TASP1: variants seen among roughly 807,000 people sequenced by gnomAD.
TASP1 encodes taspase 1.
Under a neutral mutation model 56.6 loss-of-function variants are expected in TASP1, and 16 were observed. The observed-to-expected ratio is 0.28, with a 90% CI of 0.19 to 0.43. TASP1 has a LOEUF of 0.43. Among genes scored for constraint, TASP1 ranks in the 20% least tolerant of loss-of-function variants. The pLI, the probability that TASP1 is intolerant of heterozygous loss-of-function variation, is 1.00. For missense variants in TASP1, 393 were observed against 511.6 expected, an observed-to-expected ratio of 0.77 and a Z score of 2.24; for synonymous variants, 179 against 184.2, an observed-to-expected ratio of 0.97 and a Z score of 0.23.
chr20:13,534,829 G>A (rs372037410), intron 8 of TASP1, among the ~76,000 whole-genome samples: 19 of 152,104 alleles, frequency 1.2e-4, no homozygotes, highest in Middle Eastern at 3.2e-3. Flanking sequence ...ACTATGAGCC[G>A]CTGTCTCCTA....
the TASP1 span, among the ~76,000 whole-genome samples, chr20:13,214,844 G>A: frequency 2.0e-4 from 31 of 152,288 alleles, no homozygotes; most frequent in South Asian, 6.2e-4. Flanking sequence ...CTTTTCTATA[G>A]CTTTCCATTT....
chr20:13,220,926 C>T, the TASP1 span, among the ~76,000 whole-genome samples: 2 of 151,778 alleles, frequency 1.3e-5, no homozygotes, highest in Admixed American at 1.3e-4. Context: ...TGCACAAGGG[C>T]TCTACCCGCG....
intron 4 of TASP1, among the ~76,000 whole-genome samples, chr20:13,609,300 C>T (rs1052979257): frequency 6.6e-6 from 1 of 152,086 alleles, no homozygotes; most frequent in African/African-American, 2.4e-5. Flanking sequence ...TAAGTGCTAA[C>T]AAAGATGTAG....
chr20:13,365,773 CACTGGAAACA>C, the TASP1 span, among the ~76,000 whole-genome samples: 1 of 152,158 alleles, frequency 6.6e-6, no homozygotes, highest in African/African-American at 2.4e-5. Flanking sequence ...AATGGAAAAC[CACTGGAAACA>C]AGTAGGGAAG....
intron 8 of TASP1, among the ~76,000 whole-genome samples, chr20:13,543,651 G>A (rs112587789): frequency 0.018 from 2,770 of 152,164 alleles, 48 homozygotes; most frequent in Non-Finnish European, 0.029. Flanking sequence ...AGGCCCTTGC[G>A]CCTTTCAACC....
chr20:13,419,280 G>T (rs1034969699), intron 12 of TASP1, among the ~76,000 whole-genome samples: 3 of 152,102 alleles, frequency 2.0e-5, no homozygotes, highest in Non-Finnish European at 1.5e-5. Flanking sequence ...GTGTGTGCAT[G>T]TGCATGCTCG....
At chr20:13,192,111 A>G in the TASP1 span, among the ~76,000 whole-genome samples, 1 of 152,380 alleles carries the variant, frequency 6.6e-6, no homozygotes, top group East Asian at 1.9e-4. Flanking sequence ...AAATTATTTC[A>G]TAAGTGAAAG....
chr20:13,614,939 T>C lies in TASP1; in HGVS notation c.282+8507A>G, dbSNP rs184867763. On this transcript the variant is annotated intron_variant, in intron 4 of 13. Coordinates refer to ENST00000337743, the MANE Select transcript of TASP1 (RefSeq NM_017714.3). ...TACTACCAAATTTGGCAGCCACTTA[T>C]ACTTCCCTTCAACCTAAATAATTAT... 7.0e-4 allele frequency: 290 copies of C among 412,616 alleles called. 1 individual carries two copies. The highest frequency in any genetic ancestry group is 1.5e-3 in the Admixed American group (49 of 32,508). 25.6% of individuals were successfully genotyped at this position (412,616 alleles called of 1,614,324 possible).
At chr20:13,225,029 A>AT in the TASP1 span, among the ~76,000 whole-genome samples, 6 of 129,326 alleles carry the variant, frequency 4.6e-5, no homozygotes, top group Non-Finnish European at 8.5e-5. Context: ...TTTTTTTTGT[A>AT]TTTTTAGTAG....
At chr20:13,217,902 T>C in the TASP1 span, among the ~76,000 whole-genome samples, 1 of 152,234 alleles carries the variant, frequency 6.6e-6, no homozygotes, top group Admixed American at 6.5e-5. Flanking sequence ...TTTTCTCTTT[T>C]GAGCAGTAAC....
the TASP1 span, among the ~76,000 whole-genome samples, chr20:13,148,287 G>C: frequency 6.6e-6 from 1 of 152,186 alleles, no homozygotes; most frequent in African/African-American, 2.4e-5. Flanking sequence ...TGGAGGGGAG[G>C]TTAAAGTATT....
At chr20:13,413,542 G>C (rs576027659) in intron 13 of TASP1, among the ~76,000 whole-genome samples, 2 of 152,152 alleles carry the variant, frequency 1.3e-5, no homozygotes, top group East Asian at 3.9e-4. Flanking sequence ...CTGAATTTTG[G>C]TCATTCTAGT....
At chr20:13,313,254 C>G in the TASP1 span, among the ~76,000 whole-genome samples, 1 of 152,222 alleles carries the variant, frequency 6.6e-6, no homozygotes, top group Non-Finnish European at 1.5e-5. Flanking sequence ...TCCCCCCACA[C>G]GCACCTGTTA....
intron 13 of TASP1, among the ~76,000 whole-genome samples, chr20:13,394,335 G>A (rs982379261): frequency 7.3e-6 from 1 of 137,494 alleles, no homozygotes; most frequent in African/African-American, 3.3e-5. Flanking sequence ...AAAAGGCCTG[G>A]TGCGGTAGCT....
At chr20:13,385,807 C>T (rs1047252840), downstream of TASP1, among the ~76,000 whole-genome samples, 2 of 152,210 alleles carry the variant, frequency 1.3e-5, no homozygotes, top group South Asian at 2.1e-4. Context: ...AACACATATT[C>T]GGTATTATCG....
intron 11 of TASP1, among the ~76,000 whole-genome samples, chr20:13,446,172 A>G (rs2043404283): frequency 6.6e-6 from 1 of 152,188 alleles, no homozygotes; most frequent in Non-Finnish European, 1.5e-5. Context: ...TAAAATTTAG[A>G]GAAAAACTCC....
At chr20:13,582,175 A>G (rs939107814) in intron 5 of TASP1, among the ~76,000 whole-genome samples, 7 of 151,794 alleles carry the variant, frequency 4.6e-5, no homozygotes, top group African/African-American at 1.7e-4. Context: ...TAGTTCTTAA[A>G]ACAATATAGT....
At chr20:13,562,157 A>G (rs1347525512) in intron 7 of TASP1, among the ~76,000 whole-genome samples, 1 of 152,206 alleles carries the variant, frequency 6.6e-6, no homozygotes, top group Non-Finnish European at 1.5e-5. Flanking sequence ...AAAATGCACA[A>G]ATTGTGAAAA....
the TASP1 span, among the ~76,000 whole-genome samples, chr20:13,156,364 T>C: frequency 6.6e-6 from 1 of 152,164 alleles, no homozygotes; most frequent in Non-Finnish European, 1.5e-5. Flanking sequence ...TGAAAACAAA[T>C]GCATGTAACT....
Sources: allele counts gnomAD v4.1 joint callset (sites outside exome capture counted in the v4.1 genomes callset), GRCh38; gene constraint gnomAD v4.1.1; transcripts MANE v1.5; gene names NCBI Gene and HGNC (gene_info 2026-07-23, HGNC 2026-07-21).